Variants in PRKN observed in about 807,000 individuals in gnomAD.
PRKN encodes parkin RBR E3 ubiquitin protein ligase, also known as E3 ubiquitin-protein ligase parkin.
PRKN carries 56 observed loss-of-function variants against 59.5 expected under a neutral mutation model. That is an observed-to-expected ratio of 0.94 (90% CI 0.76 to 1.18). The LOEUF is 1.18. Ranked by LOEUF, PRKN falls within the 50% of genes most tolerant of loss-of-function variation. PRKN has a pLI of 0.00. For missense variants in PRKN, 657 were observed against 596.4 expected (o/e 1.10, Z -1.06); for synonymous variants, 250 against 222.1 (o/e 1.13, Z -1.12).
intron 1 of PRKN, chr6:162,569,174 G>A: frequency 1.7e-6 from 1 of 586,902 alleles, no homozygotes; most frequent in Non-Finnish European, 3.2e-6. Flanking sequence ...AGTATAAGGA[G>A]CTGCAGATGC....
intron 5 of PRKN, among the ~76,000 whole-genome samples, chr6:161,987,638 A>T (rs1781484216): frequency 6.6e-6 from 1 of 152,160 alleles, no homozygotes; most frequent in Admixed American, 6.5e-5. Flanking sequence ...ATATTGTGTT[A>T]TTTTTTGTTT....
At chr6:162,000,155 A>C (rs1440638853) in intron 5 of PRKN, among the ~76,000 whole-genome samples, 1 of 152,102 alleles carries the variant, frequency 6.6e-6, no homozygotes, top group African/African-American at 2.4e-5. Flanking sequence ...ATTTGGGTAA[A>C]CAGCAAGCAG....
rs987479500 is a variant in PRKN, at chr6:161,377,076, C to T, written c.1167+9718G>A. Among the ~76,000 whole-genome samples, 1 of 152,198 alleles carries T rather than the reference C, an allele frequency of 6.6e-6. No individual in the cohort carries two copies. Among genetic ancestry groups the T allele is most frequent in the African/African-American group, 2.4e-5 (1 of 41,460 alleles). On this transcript the variant is annotated intron_variant, in intron 10 of 11. Coordinates refer to ENST00000366898, the MANE Select transcript of PRKN (RefSeq NM_004562.3). The surrounding 1 kb of genome is among the most constrained non-coding windows in gnomAD (Gnocchi z 4.2). Reference sequence around the variant, plus strand: ...TCTGCGGCTGTGCACGCAGGCAGACCCTGTGGATTCCAGGTGTCTGTGGAG... The same window carrying T: ...TCTGCGGCTGTGCACGCAGGCAGACTCTGTGGATTCCAGGTGTCTGTGGAG...
chr6:161,699,791 T>C (rs141767114), intron 7 of PRKN, among the ~76,000 whole-genome samples: 3 of 152,302 alleles, frequency 2.0e-5, no homozygotes, highest in East Asian at 1.9e-4. Context: ...ACCGTCCTGA[T>C]GGTGAGGGTG....
intron 1 of PRKN, among the ~76,000 whole-genome samples, chr6:162,506,737 G>T (rs62429608): frequency 6.6e-6 from 1 of 151,820 alleles, no homozygotes; most frequent in Non-Finnish European, 1.5e-5. Context: ...AAGAGATGAC[G>T]AGATGAGTTT....
intron 4 of PRKN, among the ~76,000 whole-genome samples, chr6:162,200,185 C>A (rs1028425836): frequency 6.6e-6 from 1 of 152,166 alleles, no homozygotes; most frequent in African/African-American, 2.4e-5. Flanking sequence ...GTGTCCTTGA[C>A]ACCCCCGTGT....
intron 1 of PRKN, among the ~76,000 whole-genome samples, chr6:162,474,865 A>G (rs1421472838): frequency 6.6e-6 from 1 of 152,192 alleles, no homozygotes; most frequent in African/African-American, 2.4e-5. Context: ...GCCTGATACC[A>G]GAAGTCCGAT....
chr6:161,776,252 G>A (rs1280507014), intron 7 of PRKN, among the ~76,000 whole-genome samples: 2 of 152,208 alleles, frequency 1.3e-5, no homozygotes, highest in Non-Finnish European at 2.9e-5. Context: ...AGGAGATGCA[G>A]AGGGTGCTTC....
chr6:162,456,334 A>G (rs1479873055), intron 1 of PRKN, among the ~76,000 whole-genome samples: 1 of 152,168 alleles, frequency 6.6e-6, no homozygotes, highest in East Asian at 1.9e-4. Flanking sequence ...TAATATTTTT[A>G]TGCTTAGTAA....
rs1038542993 is a variant in PRKN at position 161,543,384 on chromosome 6, T to C, written c.1083+5470A>G. Among the ~76,000 whole-genome samples, 6 of 152,334 alleles carry C rather than the reference T, an allele frequency of 3.9e-5. No homozygotes were observed. The Middle Eastern group carries it at 0.01, about 259-fold the overall frequency. ...GGGAGGCTTTACAACTTCATTTTTA[T>C]AATTTTCGAAACCCTTTTTAAGAAA... On this transcript the variant is annotated intron_variant, in intron 9 of 11. Coordinates refer to ENST00000366898, the MANE Select transcript of PRKN (RefSeq NM_004562.3).
intron 6 of PRKN, among the ~76,000 whole-genome samples, chr6:161,873,655 C>A (rs1794437709): frequency 6.6e-6 from 1 of 151,570 alleles, no homozygotes; most frequent in South Asian, 2.1e-4. Context: ...ACAAGTCTGC[C>A]AGTTGAGGCG....
At position 161,448,998 on chromosome 6, in the gene PRKN, A is replaced by T. The variant is rs9295148; in HGVS notation, c.1084-62121T>A. ...CTGCTCAGAATAAAGTGATAAGGGGACAAAAGGTGGATGGCTTACTTACAG... is the reference window on the plus strand; with the variant it reads ...CTGCTCAGAATAAAGTGATAAGGGGTCAAAAGGTGGATGGCTTACTTACAG... On this transcript the variant is annotated intron_variant, in intron 9 of 11. Coordinates refer to ENST00000366898, the MANE Select transcript of PRKN (RefSeq NM_004562.3). This position sits in a 1 kb window ranked among gnomAD's most constrained non-coding sequence, Gnocchi z 5.1. 0.32 allele frequency among the ~76,000 whole-genome samples: 48,213 copies of T among 152,046 alleles called. 7,920 individuals carry two copies. Among genetic ancestry groups the T allele is most frequent in the Middle Eastern group, 0.38 (112 of 294 alleles).
At chr6:161,465,211 T>C (rs1645016910) in intron 9 of PRKN, among the ~76,000 whole-genome samples, 6 of 152,224 alleles carry the variant, frequency 3.9e-5, no homozygotes, top group Admixed American at 3.9e-4. Context: ...ACTGCTCTAG[T>C]TCTTTTTGAA....
At chr6:162,639,458 T>C (rs940188191) in intron 1 of PRKN, among the ~76,000 whole-genome samples, 10 of 152,214 alleles carry the variant, frequency 6.6e-5, no homozygotes, top group Non-Finnish European at 1.5e-4. Context: ...AGTAATTTTA[T>C]GGTAAGATCA....
intron 1 of PRKN, among the ~76,000 whole-genome samples, chr6:162,556,341 T>TGGGGG (rs201876234): frequency 1.1e-5 from 1 of 93,058 alleles, no homozygotes; most frequent in Non-Finnish European, 2.2e-5. Context: ...ACTACTCAGC[T>TGGGGG]GGTGTGTGTG....
intron 2 of PRKN, among the ~76,000 whole-genome samples, chr6:162,424,670 G>C (rs912768231): frequency 2.8e-4 from 43 of 151,726 alleles, no homozygotes; most frequent in Non-Finnish European, 3.7e-4. Flanking sequence ...GGGAGGTGGA[G>C]GTTGCAGTGA....
chr6:162,061,565 C>T (rs1311364241), intron 4 of PRKN, among the ~76,000 whole-genome samples: 1 of 152,152 alleles, frequency 6.6e-6, no homozygotes, highest in Non-Finnish European at 1.5e-5. Context: ...ATGTATCGCC[C>T]TCTGTCATAT....
chr6:162,312,842 T>A (rs1782578770), intron 2 of PRKN, among the ~76,000 whole-genome samples: 1 of 152,162 alleles, frequency 6.6e-6, no homozygotes, highest in South Asian at 2.1e-4. Flanking sequence ...CTAGAACTCC[T>A]GGAGTTTAGA....
chr6:162,138,508 A>G (rs1283263333), intron 4 of PRKN, among the ~76,000 whole-genome samples: 1 of 152,206 alleles, frequency 6.6e-6, no homozygotes, highest in Non-Finnish European at 1.5e-5. Context: ...GTAAATCACT[A>G]TGAATCGTGC....
Sources: gnomAD v4.1 joint callset for allele counts (sites outside exome capture counted in the v4.1 genomes callset) on GRCh38, gnomAD v4.1.1 for gene constraint, Gnocchi (gnomAD v3.1) non-coding constraint, MANE v1.5 for transcripts, NCBI Gene and HGNC (gene_info 2026-07-23, HGNC 2026-07-21) for gene names.